SLC44A5: variants seen among roughly 807,000 people sequenced by gnomAD.
SLC44A5 encodes the protein choline transporter-like protein 5.
SLC44A5 carries 57 observed loss-of-function variants against 101.8 expected under a neutral mutation model. The ratio of observed to expected loss-of-function variants is 0.56; its 90% CI spans 0.45 to 0.70. The LOEUF is 0.70. Ranked by LOEUF, SLC44A5 falls within the 30% of genes least tolerant of loss-of-function variation. The pLI is 0.00. For missense variants in SLC44A5, 737 were observed against 853.1 expected (o/e 0.86, Z 1.70); for synonymous variants, 281 against 290.9 (o/e 0.97, Z 0.35).
intron 2 of SLC44A5, among the ~76,000 whole-genome samples, chr1:75,502,994 G>A (rs1443432398): frequency 6.6e-6 from 1 of 152,044 alleles, no homozygotes; most frequent in African/African-American, 2.4e-5. Context: ...TTACGTCACA[G>A]AGTTATTCTG....
At chr1:75,594,126 G>A (rs1674507762) in intron 1 of SLC44A5, among the ~76,000 whole-genome samples, 1 of 151,786 alleles carries the variant, frequency 6.6e-6, no homozygotes, top group Non-Finnish European at 1.5e-5. Flanking sequence ...CACCTACTGT[G>A]TACCCACAGG....
intron 1 of SLC44A5, chr1:75,582,462 C>G (rs1570670198): frequency 1.6e-6 from 1 of 625,450 alleles, no homozygotes; most frequent in East Asian, 2.6e-5. Context: ...GGGCCAAAGG[C>G]CAAGACCAAG....
chr1:75,538,307 G>A (rs1481373108), intron 2 of SLC44A5, among the ~76,000 whole-genome samples: 2 of 152,234 alleles, frequency 1.3e-5, no homozygotes, highest in East Asian at 1.9e-4. Flanking sequence ...GCATCTAAAT[G>A]TCTCAACCTC....
the SLC44A5 span, chr1:75,642,131 T>A: frequency 1.1e-6 from 1 of 912,488 alleles, no homozygotes. Context: ...TGATATATAT[T>A]AAAACTGCCT....
intron 5 of SLC44A5, among the ~76,000 whole-genome samples, chr1:75,283,648 T>C (rs1168264404): frequency 6.6e-6 from 1 of 152,216 alleles, no homozygotes; most frequent in Non-Finnish European, 1.5e-5. Flanking sequence ...TTTAAATCTT[T>C]GATTCATCTT....
intron 5 of SLC44A5, among the ~76,000 whole-genome samples, chr1:75,283,216 T>C (rs542053848): frequency 6.6e-6 from 1 of 152,206 alleles, no homozygotes; most frequent in East Asian, 1.9e-4. Context: ...GGTATTGTGT[T>C]GTAGTTTTGA....
At chr1:75,422,340 A>G (rs1166304416) in intron 2 of SLC44A5, among the ~76,000 whole-genome samples, 1 of 152,224 alleles carries the variant, frequency 6.6e-6, no homozygotes, top group Non-Finnish European at 1.5e-5. Flanking sequence ...AGAGACTCTT[A>G]TTCATAGCCT....
At chr1:75,601,877 G>C (rs1675004686) in intron 1 of SLC44A5, among the ~76,000 whole-genome samples, 2 of 151,974 alleles carry the variant, frequency 1.3e-5, no homozygotes. Flanking sequence ...AAAATTCTCA[G>C]CCTCAAAACA....
intron 1 of SLC44A5, among the ~76,000 whole-genome samples, chr1:75,582,794 T>C (rs1673774165): frequency 6.6e-6 from 1 of 152,234 alleles, no homozygotes; most frequent in Non-Finnish European, 1.5e-5. Context: ...ATTTTCTAAG[T>C]TTATAATTCA....
chr1:75,435,227 T>C (rs1366593298), intron 2 of SLC44A5, among the ~76,000 whole-genome samples: 1 of 152,174 alleles, frequency 6.6e-6, no homozygotes, highest in Non-Finnish European at 1.5e-5. Flanking sequence ...GCACTCTTTG[T>C]ACAAGGTACT....
intron 7 of SLC44A5, among the ~76,000 whole-genome samples, chr1:75,249,146 A>C (rs1441412029): frequency 6.6e-6 from 1 of 152,130 alleles, no homozygotes; most frequent in Non-Finnish European, 1.5e-5. Context: ...TAAGATACCA[A>C]CATCCCAAGT....
chr1:75,224,786 T>C (rs1178189079), intron 13 of SLC44A5, among the ~76,000 whole-genome samples: 1 of 151,400 alleles, frequency 6.6e-6, no homozygotes, highest in Non-Finnish European at 1.5e-5. Context: ...AAAAAAAACT[T>C]TAAAAATAGA....
chr1:75,458,699 T>C (rs920186530), intron 2 of SLC44A5, among the ~76,000 whole-genome samples: 3 of 152,120 alleles, frequency 2.0e-5, no homozygotes, highest in Non-Finnish European at 2.9e-5. Flanking sequence ...TCACAAAAAC[T>C]AAGGAAGGGA....
At chr1:75,339,022 TAAA>T (rs1657663186) in intron 4 of SLC44A5, among the ~76,000 whole-genome samples, 1 of 152,202 alleles carries the variant, frequency 6.6e-6, no homozygotes, top group Non-Finnish European at 1.5e-5. Context: ...TGGCTAATTT[TAAA>T]ATGGCACAGA....
the SLC44A5 span, among the ~76,000 whole-genome samples, chr1:75,681,862 C>G: frequency 6.6e-6 from 1 of 152,132 alleles, no homozygotes; most frequent in Non-Finnish European, 1.5e-5. Context: ...GAAAACCCCA[C>G]TGTCTCAGCC....
At chr1:75,647,210 G>C in the SLC44A5 span, among the ~76,000 whole-genome samples, 2 of 152,196 alleles carry the variant, frequency 1.3e-5, no homozygotes, top group Non-Finnish European at 2.9e-5. Flanking sequence ...CCAGGCCATT[G>C]CTTCAGAACG....
intron 1 of SLC44A5, among the ~76,000 whole-genome samples, chr1:75,585,496 A>T (rs574847217): frequency 6.6e-6 from 1 of 152,320 alleles, no homozygotes; most frequent in East Asian, 1.9e-4. Context: ...AGTACATATT[A>T]AAAACCAAAC....
intron 16 of SLC44A5, 96 bp downstream of exon 16, chr1:75,219,161 A>T (rs1570386078): frequency 5.8e-6 from 5 of 868,496 alleles, no homozygotes; most frequent in African/African-American, 3.3e-5. Flanking sequence ...AGTGTATAGG[A>T]TCTCTGCTTC....
At chr1:75,588,000 G>T (rs574850314) in intron 1 of SLC44A5, among the ~76,000 whole-genome samples, 3 of 152,140 alleles carry the variant, frequency 2.0e-5, no homozygotes, top group Non-Finnish European at 4.4e-5. Flanking sequence ...GCCAATGTGA[G>T]AAACCAGAAG....
Sources: gnomAD v4.1 joint callset for allele counts (sites outside exome capture counted in the v4.1 genomes callset) on GRCh38, gnomAD v4.1.1 for gene constraint, MANE v1.5 for transcripts, NCBI Gene and HGNC (gene_info 2026-07-23, HGNC 2026-07-21) for gene names.